Variants in SLC39A11 observed in about 807,000 individuals in gnomAD.
SLC39A11 encodes the protein solute carrier family 39 member 11, also known as zinc transporter ZIP11.
A neutral mutation model predicts 36.1 loss-of-function variants in SLC39A11; 33 were observed. That is an observed-to-expected ratio of 0.91 (90% CI 0.69 to 1.22). SLC39A11 has a LOEUF of 1.22. SLC39A11 is among the 50% of genes most tolerant of loss of function. SLC39A11 has a pLI of 0.00. For synonymous variants in SLC39A11, 166 were observed against 170.3 expected, an observed-to-expected ratio of 0.97 and a Z score of 0.20; for missense variants, 432 against 430.3, an observed-to-expected ratio of 1.00 and a Z score of -0.03.
chr17:72,960,919 C>G (rs1254061096), intron 4 of SLC39A11, among the ~76,000 whole-genome samples: 1 of 152,150 alleles, frequency 6.6e-6, no homozygotes, highest in South Asian at 2.1e-4. Context: ...GAAAAGAGAT[C>G]TTTATCTCAG....
intron 5 of SLC39A11, among the ~76,000 whole-genome samples, chr17:72,928,036 T>C (rs970871159): frequency 2.0e-5 from 3 of 152,092 alleles, no homozygotes; most frequent in African/African-American, 2.4e-5. Flanking sequence ...ATAACACTGA[T>C]TGCTCCAAAA....
At chr17:72,781,395 C>T (rs1239080083) in intron 6 of SLC39A11, among the ~76,000 whole-genome samples, 1 of 151,138 alleles carries the variant, frequency 6.6e-6, no homozygotes, top group Non-Finnish European at 1.5e-5. Flanking sequence ...ATCATTTTGT[C>T]TTATTTTGTT....
At chr17:72,794,381 T>C (rs1477525811) in intron 6 of SLC39A11, among the ~76,000 whole-genome samples, 1 of 152,044 alleles carries the variant, frequency 6.6e-6, no homozygotes, top group Non-Finnish European at 1.5e-5. Flanking sequence ...GACTCCACAA[T>C]CCTTCTGTTG....
At chr17:72,733,569 A>G (rs1012758142) in intron 7 of SLC39A11, among the ~76,000 whole-genome samples, 4 of 152,156 alleles carry the variant, frequency 2.6e-5, no homozygotes, top group Non-Finnish European at 4.4e-5. Context: ...GCTGGTGCAC[A>G]GTCCCCCTGC....
At position 72,715,136 on chromosome 17, in the gene SLC39A11, C is replaced by T. The variant is rs77002591; in HGVS notation, c.671+21514G>A. 4.3e-3 allele frequency among the ~76,000 whole-genome samples: 655 copies of T among 152,292 alleles called. 6 individuals are homozygous for T. Among genetic ancestry groups the T allele is most frequent in the African/African-American group, 0.015 (621 of 41,568 alleles). On this transcript the variant is annotated intron_variant, in intron 7 of 9. Coordinates refer to ENST00000255559, the MANE Select transcript of SLC39A11 (RefSeq NM_139177.4). ...GGCTGCATACATCTCATGCACCCAG[C>T]CACGAAAGGGGCCCCGGGAGCCCGC...
At chr17:72,813,151 T>C (rs115633425) in intron 6 of SLC39A11, among the ~76,000 whole-genome samples, 2,349 of 152,344 alleles carry the variant, frequency 0.015, 66 homozygotes, top group African/African-American at 0.054. Flanking sequence ...TTCCAAAGAC[T>C]AGCTTTTCCT....
chr17:72,895,481 AG>A (rs899817057), intron 5 of SLC39A11, among the ~76,000 whole-genome samples: 2 of 152,068 alleles, frequency 1.3e-5, no homozygotes, highest in African/African-American at 4.8e-5. Context: ...TGGGAGGCTG[AG>A]GCGGGAGAAT....
rs148699681 is a variant in SLC39A11 at position 72,953,910 on chromosome 17, C to T, written c.307-6035G>A. On this transcript the variant is annotated intron_variant, in intron 4 of 9. Coordinates refer to ENST00000255559, the MANE Select transcript of SLC39A11 (RefSeq NM_139177.4). ...AGGCAAACCTGACCTCCGCCAAACCCGCACACACCTTCTATCGCACGGATT... is the reference window on the plus strand; with the variant it reads ...AGGCAAACCTGACCTCCGCCAAACCTGCACACACCTTCTATCGCACGGATT... Among the ~76,000 whole-genome samples the T allele has an allele frequency of 1.3e-3, 196 of 152,338 alleles. 5 individuals are homozygous for T. The East Asian group carries it at 0.033, about 26-fold the overall frequency.
rs527790611 is a variant in SLC39A11, at chr17:73,003,302, C to T, written c.306+28254G>A. On this transcript the variant is annotated intron_variant, in intron 4 of 9. Transcript: ENST00000255559. ...CACCCCAGCTTGACGGGCCGGGAAT[C>T]ATTACAACAGAAATTGAGTTGTGTG... Among the ~76,000 whole-genome samples, 326 of 152,336 alleles carry T rather than the reference C, an allele frequency of 2.1e-3. 4 individuals carry two copies. Among genetic ancestry groups the T allele is most frequent in the Middle Eastern group, 3.4e-3 (1 of 294 alleles).
At chr17:72,739,405 G>T (rs535001746) in intron 6 of SLC39A11, among the ~76,000 whole-genome samples, 2 of 152,196 alleles carry the variant, frequency 1.3e-5, no homozygotes, top group Admixed American at 1.3e-4. Context: ...GGGATTACAG[G>T]CATGAGCCAC....
intron 7 of SLC39A11, among the ~76,000 whole-genome samples, chr17:72,711,625 A>G (rs2073106696): frequency 6.6e-6 from 1 of 152,214 alleles, no homozygotes; most frequent in African/African-American, 2.4e-5. Context: ...TAAGTGAAGT[A>G]CTGCAAGTAA....
Position 73,059,099 on chromosome 17 carries a change from T to C in SLC39A11, c.147+25709A>G, listed in dbSNP as rs147098291. On this transcript the variant is annotated intron_variant, in intron 3 of 9. Transcript: ENST00000255559. ...TAAAATGTCTGAGTCATTTCTTAGT[T>C]AAAATACTAGAACATTAACTGCTAA... Among the ~76,000 whole-genome samples the C allele has an allele frequency of 7.3e-3, 1,117 of 152,322 alleles. 12 individuals carry two copies. The highest frequency in any genetic ancestry group is 0.025 in the African/African-American group (1,026 of 41,576).
intron 7 of SLC39A11, among the ~76,000 whole-genome samples, chr17:72,716,967 T>TAAAA (rs1158917519): frequency 1.2e-5 from 1 of 82,928 alleles, no homozygotes; most frequent in African/African-American, 8.8e-5. Context: ...AGACCCTGTC[T>TAAAA]CAAAAAAAAA....
chr17:72,986,997 C>T (rs1292737880), intron 4 of SLC39A11, among the ~76,000 whole-genome samples: 1 of 152,078 alleles, frequency 6.6e-6, no homozygotes, highest in Non-Finnish European at 1.5e-5. Flanking sequence ...AAATGTGAGC[C>T]CCAGTGCTGG....
Position 72,966,463 on chromosome 17 carries a change from T to G in SLC39A11, c.307-18588A>C, listed in dbSNP as rs181969541. 1.6e-3 allele frequency among the ~76,000 whole-genome samples: 241 copies of G among 152,236 alleles called. 1 individual carries two copies. Among genetic ancestry groups the G allele is most frequent in the African/African-American group, 5.4e-3 (226 of 41,536 alleles). On this transcript the variant is annotated intron_variant, in intron 4 of 9. Transcript: ENST00000255559. ...AGTAGTTTCAGAAATTAACAGATCT[T>G]CTAGGGCAGGGGTCCCCAATCCCCA...
intron 4 of SLC39A11, among the ~76,000 whole-genome samples, chr17:72,956,122 A>G (rs994141642): frequency 6.6e-6 from 1 of 152,130 alleles, no homozygotes; most frequent in East Asian, 1.9e-4. Context: ...GATCCCTCCA[A>G]TGCCACATCT....
chr17:72,727,651 C>CAAAAAAA (rs57874434), intron 7 of SLC39A11, among the ~76,000 whole-genome samples: 2 of 73,138 alleles, frequency 2.7e-5, no homozygotes, highest in Non-Finnish European at 6.0e-5. Flanking sequence ...GACTCCGTCT[C>CAAAAAAA]AAAAAAAAAA....
At chr17:72,829,246 G>A (rs9901575) in intron 6 of SLC39A11, among the ~76,000 whole-genome samples, 52,652 of 151,660 alleles carry the variant, frequency 0.35, 11,328 homozygotes, top group Non-Finnish European at 0.47. Context: ...TACTCAGGAA[G>A]CTGAGGCAGC....
At chr17:72,683,203 T>C (rs2071581877) in intron 7 of SLC39A11, among the ~76,000 whole-genome samples, 2 of 151,872 alleles carry the variant, frequency 1.3e-5, no homozygotes, top group African/African-American at 4.8e-5. Flanking sequence ...TCTCAATAGA[T>C]CCTCTATGGA....
Sources: gnomAD v4.1 joint callset for allele counts (sites outside exome capture counted in the v4.1 genomes callset) on GRCh38, gnomAD v4.1.1 for gene constraint, MANE v1.5 for transcripts, NCBI Gene and HGNC (gene_info 2026-07-23, HGNC 2026-07-21) for gene names.